Variants in TYMS observed in about 807,000 individuals in gnomAD.
The protein encoded by TYMS is thymidylate synthase.
TYMS carries 21 observed loss-of-function variants against 39.3 expected under a neutral mutation model. The ratio of observed to expected loss-of-function variants is 0.54; its 90% CI spans 0.38 to 0.77. TYMS has a LOEUF of 0.77. Ranked by LOEUF, TYMS falls within the 30% of genes least tolerant of loss-of-function variation. The pLI, the probability that TYMS is intolerant of heterozygous loss-of-function variation, is 0.00. For missense variants in TYMS, 273 were observed against 406.7 expected, an observed-to-expected ratio of 0.67 and a Z score of 2.83; for synonymous variants, 171 against 162.2, an observed-to-expected ratio of 1.05 and a Z score of -0.41.
intron 3 of TYMS, among the ~76,000 whole-genome samples, chr18:666,933 TGATGGA>T (rs1189045706): frequency 0.06 from 2,850 of 47,568 alleles, 320 homozygotes; most frequent in Middle Eastern, 0.075. Flanking sequence ...ATGGTGATGG[TGATGGA>T]GATGGTGATG....
chr18:672,916 A>G lies in TYMS; in HGVS notation c.861A>G (p.Lys287=). 1.9e-6 allele frequency: 3 copies of G among 1,599,090 alleles called. No homozygotes were observed. The highest frequency in any genetic ancestry group is 2.6e-6 in the Non-Finnish European group (3 of 1,168,206). ...TCAGGATTCTTCGAAAAGTTGAGAA[A>G]ATTGATGACTTCAAAGCTGAAGACT... ...PKLRILRKVE[K]IDDFKAEDFQ... The change falls in exon 7 of 7, where the codon AAA becomes AAG. Residue 287 remains lysine, a synonymous_variant. Transcript: ENST00000323274.
chr18:666,216 G>A (rs557267542), intron 3 of TYMS, among the ~76,000 whole-genome samples: 17 of 151,172 alleles, frequency 1.1e-4, no homozygotes, highest in South Asian at 8.4e-4. Context: ...CTGTGTCATC[G>A]GCAGATAGCT....
At chr18:671,005 CT>C in intron 5 of TYMS, 138 bp downstream of exon 5, 1 of 1,065,368 alleles carries the variant, frequency 9.4e-7, no homozygotes, top group Non-Finnish European at 1.3e-6. Flanking sequence ...AATGAACCAG[CT>C]TTTACTTTGA....
At position 666,632 on chromosome 18, in the gene TYMS, C is replaced by A. The variant is rs181982947; in HGVS notation, c.455-2440C>A. 2.7e-3 allele frequency among the ~76,000 whole-genome samples: 410 copies of A among 152,304 alleles called. 2 individuals are homozygous for A. Among genetic ancestry groups the A allele is most frequent in the Non-Finnish European group, 3.6e-3 (246 of 68,024 alleles). On this transcript the variant is annotated intron_variant, in intron 3 of 6. Coordinates refer to ENST00000323274, the MANE Select transcript of TYMS (RefSeq NM_001071.4). The stretch of plus-strand genomic sequence containing the variant: ...GGGGACAGTCACATTTCACCTCCAG[C>A]CACCTGGAGGAATTTGGGCCTGGTG...
chr18:666,164 G>GTTAC (rs2074811563), intron 3 of TYMS, among the ~76,000 whole-genome samples: 1 of 144,844 alleles, frequency 6.9e-6, no homozygotes, highest in African/African-American at 2.7e-5. Flanking sequence ...CTCTTTGTAG[G>GTTAC]TCAGATGATT....
chr18:672,718 T>C, intron 6 of TYMS, 142 bp from the exon 7 acceptor site: 1 of 890,774 alleles, frequency 1.1e-6, no homozygotes, highest in Admixed American at 2.5e-5. Context: ...TTACATAACC[T>C]ACGGCAAGGT....
chr18:672,633 G>A, intron 6 of TYMS: 1 of 373,654 alleles, frequency 2.7e-6, no homozygotes, highest in South Asian at 9.3e-5. Context: ...CCAGGCTCCT[G>A]ATGCTGTGTA....
At chr18:662,108 T>C (rs2074762333) in intron 2 of TYMS, 38 bp from the exon 3 acceptor site, 3 of 1,564,434 alleles carry the variant, frequency 1.9e-6, no homozygotes, top group Non-Finnish European at 2.6e-6. Context: ...GCTTAGGATT[T>C]ACCTGGATGC....
chr18:664,191 A>C lies in TYMS; in HGVS notation c.454+1871A>C, dbSNP rs1421497049. Among the ~76,000 whole-genome samples, 264 of 151,910 alleles carry C rather than the reference A, an allele frequency of 1.7e-3. 1 individual carries two copies. Among genetic ancestry groups the C allele is most frequent in the Non-Finnish European group, 9.9e-4 (67 of 67,992 alleles). On this transcript the variant is annotated intron_variant, in intron 3 of 6. Transcript: ENST00000323274. ...ATTTCTTTGTATCCTCTTTTATTTC[A>C]TTGAGCAGTGGTTTGTAGTTCTCCT... is the stretch of plus-strand genomic sequence containing the variant.
At chr18:662,712 T>G (rs1567987632) in intron 3 of TYMS, among the ~76,000 whole-genome samples, 1 of 151,484 alleles carries the variant, frequency 6.6e-6, no homozygotes, top group African/African-American at 2.4e-5. Flanking sequence ...CCCCTTCCTG[T>G]GTCCATATGT....
chr18:670,519 C>A, intron 4 of TYMS, 173 bp from the exon 5 acceptor site: 1 of 640,330 alleles, frequency 1.6e-6, no homozygotes, highest in Non-Finnish European at 2.7e-6. Context: ...TAGTCTCCCT[C>A]AGCTCCGTGC....
chr18:672,960 A>G lies in TYMS; in HGVS notation c.905A>G (p.Asn302Ser), dbSNP rs2075135057. The change falls in exon 7 of 7, where the codon AAT (asparagine) becomes AGT (serine). Residue 302 changes from asparagine (N) to serine (S), a missense_variant. This residue lies in a region of TYMS where 35 missense variants were observed against 42.4 expected (regional missense o/e 0.83). Coordinates refer to ENST00000323274, the MANE Select transcript of TYMS (RefSeq NM_001071.4). ...KAEDFQIEGY[N>S]PHPTIKMEMA... ...GAAGACTTTCAGATTGAAGGGTACA[A>G]TCCGCATCCAACTATTAAAATGGAA... 6.3e-7 allele frequency: 1 copy of G among 1,584,270 alleles called. No individual in the cohort carries two copies. Among genetic ancestry groups the G allele is most frequent in the African/African-American group, 1.3e-5 (1 of 74,732 alleles).
At chr18:669,366 ATTTTTTTTT>A (rs68090938) in intron 4 of TYMS, 193 bp downstream of exon 4, 6,170 of 192,232 alleles carry the variant, frequency 0.032, 199 homozygotes, top group East Asian at 0.27. Context: ...GGCCCAGAGG[ATTTTTTTTT>A]TTTTTTTTTT....
intron 5 of TYMS, chr18:671,141 T>C (rs943749413): frequency 1.6e-6 from 1 of 613,940 alleles, no homozygotes; most frequent in Non-Finnish European, 2.8e-6. Flanking sequence ...GTATGGTGGC[T>C]CATGCCTGTA....
chr18:670,011 T>A (rs1183694055), intron 4 of TYMS, among the ~76,000 whole-genome samples: 2 of 150,668 alleles, frequency 1.3e-5, no homozygotes, highest in South Asian at 2.1e-4. Flanking sequence ...CATAAGTACT[T>A]AGAGTGAAAT....
In TYMS at chr18:671,433, C is replaced by T. The variant is rs143415597; in HGVS notation, c.786C>T (p.Ile262=). 2.6e-4 allele frequency: 425 copies of T among 1,610,292 alleles called. No individual in the cohort carries two copies. Among genetic ancestry groups the T allele is most frequent in the African/African-American group, 7.2e-4 (54 of 74,866 alleles). The change falls in exon 6 of 7, where the codon ATC becomes ATT. Residue 262 remains isoleucine, a synonymous_variant. Transcript: ENST00000323274. The part of the protein sequence containing the change: ...LGDAHIYLNH[I]EPLKIQLQRE... ...ATGCACATATTTACCTGAATCACATCGAGCCACTGAAAATTCAGGTAAGAA... is the reference window on the plus strand; with the variant it reads ...ATGCACATATTTACCTGAATCACATTGAGCCACTGAAAATTCAGGTAAGAA...
intron 4 of TYMS, among the ~76,000 whole-genome samples, chr18:669,944 AGAGT>A (rs1199640752): frequency 1.3e-5 from 2 of 152,042 alleles, no homozygotes; most frequent in African/African-American, 2.4e-5. Context: ...CCTGGGCAAC[AGAGT>A]GAGACCCTGA....
chr18:662,689 A>G (rs1458870830), intron 3 of TYMS, among the ~76,000 whole-genome samples: 1 of 144,542 alleles, frequency 6.9e-6, no homozygotes, highest in Non-Finnish European at 1.5e-5. Flanking sequence ...AACAGTCCCC[A>G]GAGTGTGATG....
rs1254775179 is a variant in TYMS, at chr18:666,943, GGT to G, written c.455-2127_455-2126del. On this transcript the variant is annotated intron_variant, in intron 3 of 6. Transcript: ENST00000323274. ...TGGAGATGGTGATGGTGATGGAGAT[GGT>G]GATGGTGATGGAGATGGAGATGGTG... Among the ~76,000 whole-genome samples, 10 of 35,490 alleles carry G rather than the reference GGT, an allele frequency of 2.8e-4. 1 individual carries two copies. The highest frequency in any genetic ancestry group is 1.2e-3 in the South Asian group (1 of 806). 23.3% of individuals were successfully genotyped at this position (35,490 alleles called of 152,430 possible).
Sources: gnomAD v4.1 joint callset for allele counts (sites outside exome capture counted in the v4.1 genomes callset) on GRCh38, gnomAD v4.1.1 for gene constraint, gnomAD v4.1.1 regional missense constraint, MANE v1.5 for transcripts, NCBI Gene and HGNC (gene_info 2026-07-23, HGNC 2026-07-21) for gene names.